Variants in KDM3A observed in about 807,000 individuals in gnomAD.
KDM3A encodes the protein lysine-specific demethylase 3A.
Under a neutral mutation model 158.0 loss-of-function variants are expected in KDM3A, and 60 were observed. The observed-to-expected ratio is 0.38, with a 90% CI of 0.31 to 0.47. The LOEUF (loss-of-function observed/expected upper bound fraction) is 0.47, where lower values mean the gene tolerates loss of function less well. Among genes scored for constraint, KDM3A ranks in the 20% least tolerant of loss-of-function variants. The probability of loss-of-function intolerance (pLI) is 0.99; values close to 1 mark genes in which losing one functional copy is unlikely to be tolerated. For synonymous variants in KDM3A, 608 were observed against 549.3 expected (o/e 1.11, Z -1.49); for missense variants, 1,319 against 1,574.3 (o/e 0.84, Z 2.74).
chr2:86,437,487 T>C (rs1262669046), upstream of KDM3A, among the ~76,000 whole-genome samples: 1 of 152,194 alleles, frequency 6.6e-6, no homozygotes, highest in Non-Finnish European at 1.5e-5. Flanking sequence ...AAAGCATGTA[T>C]TGCATAGTTT....
At chr2:86,452,696 T>C (rs530186005) in intron 4 of KDM3A, among the ~76,000 whole-genome samples, 39 of 152,328 alleles carry the variant, frequency 2.6e-4, no homozygotes, top group Non-Finnish European at 4.7e-4. Flanking sequence ...CTATGAAACC[T>C]ATTTGCTAAA....
chr2:86,482,705 C>T lies in KDM3A; in HGVS notation c.2922+11C>T. 3 of 1,612,258 alleles carry T rather than the reference C, an allele frequency of 1.9e-6. No individual in the cohort carries two copies. The highest frequency in any genetic ancestry group is 2.5e-6 in the Non-Finnish European group (3 of 1,179,522). ...TGGAAACAAGGGCAGGTAATGTAGG[C>T]CTCCCATCCTCCTGCCCTATTCAGA... On this transcript the variant is annotated intron_variant, in intron 18 of 25. Coordinates refer to ENST00000312912, the MANE Select transcript of KDM3A (RefSeq NM_018433.6).
chr2:86,442,976 C>T (rs1383503284), intron 2 of KDM3A, among the ~76,000 whole-genome samples: 1 of 151,990 alleles, frequency 6.6e-6, no homozygotes, highest in East Asian at 1.9e-4. Flanking sequence ...ACACTCAGAA[C>T]CTTTTTCTGT....
intron 9 of KDM3A, among the ~76,000 whole-genome samples, chr2:86,466,145 A>G (rs1400960249): frequency 2.0e-5 from 3 of 151,660 alleles, no homozygotes; most frequent in Non-Finnish European, 4.4e-5. Flanking sequence ...ACGTGCAGAC[A>G]TAATTTAGGG....
At chr2:86,471,665 A>G (rs1673417074) in intron 11 of KDM3A, among the ~76,000 whole-genome samples, 1 of 152,226 alleles carries the variant, frequency 6.6e-6, no homozygotes, top group Non-Finnish European at 1.5e-5. Context: ...CAGGGAATTT[A>G]GATCATTATA....
At chr2:86,482,205 A>T (rs1308872172) in intron 17 of KDM3A, 103 bp downstream of exon 17, 1 of 1,339,866 alleles carries the variant, frequency 7.5e-7, no homozygotes, top group Non-Finnish European at 1.1e-6. Context: ...TGAATCACAT[A>T]CTTACCTTTG....
upstream of KDM3A, among the ~76,000 whole-genome samples, chr2:86,439,609 A>G (rs1682574622): frequency 6.6e-6 from 1 of 152,078 alleles, no homozygotes. Context: ...TACATAATCT[A>G]AGTTCTCCAT....
rs758838383 is a variant in KDM3A at position 86,482,649 on chromosome 2, T to A, written c.2877T>A (p.Asn959Lys). 70 of 1,613,964 alleles carry A rather than the reference T, an allele frequency of 4.3e-5. No individual in the cohort carries two copies. The highest frequency in any genetic ancestry group is 4.5e-5 in the Non-Finnish European group (53 of 1,180,004). The part of the protein sequence containing the change: ...NRLLCLQDPN[N>K]KSNWNVFREC... The stretch of plus-strand genomic sequence containing the variant: ...TGCTGTGCTTGCAAGACCCCAACAA[T>A]AAGAGCAACTGGAATGTGTTTAGGG... Residue 959 changes from asparagine (N) to lysine (K), a missense_variant, in exon 18 of 26, where the codon AAT becomes AAA. Physicochemically the swap from Asn to Lys is moderately conservative, Grantham distance 94 (BLOSUM62 0). Transcript: ENST00000312912.
Position 86,470,400 on chromosome 2 carries a change from C to T in KDM3A, c.1716C>T (p.His572=), listed in dbSNP as rs763793891. Reference sequence around the variant, plus strand: ...CACCTGTGTTTTGCCGCTTCTTTCACTTCAGGAGGTGAGGCATTTTGGGAA... The same window carrying T: ...CACCTGTGTTTTGCCGCTTCTTTCATTTCAGGAGGTGAGGCATTTTGGGAA... The part of the protein sequence containing the change: ...KDSPVFCRFF[H]FRRLQFNKHG... The change falls in exon 11 of 26, where the codon CAC becomes CAT. Residue 572 remains histidine (H), a synonymous_variant. Transcript: ENST00000312912. The T allele has an allele frequency of 3.1e-6, 5 of 1,613,736 alleles. No homozygotes were observed. The Admixed American group carries it at 5.0e-5, about 16-fold the overall frequency.
intron 2 of KDM3A, 118 bp from the exon 3 acceptor site, chr2:86,449,689 C>T (rs998586196): frequency 1.3e-5 from 15 of 1,113,872 alleles, no homozygotes; most frequent in Non-Finnish European, 1.6e-5. Context: ...AGGGGGAAAG[C>T]ACATCCAGAT....
At chr2:86,475,834 T>C (rs1217187601) in intron 12 of KDM3A, among the ~76,000 whole-genome samples, 1 of 152,230 alleles carries the variant, frequency 6.6e-6, no homozygotes, top group Non-Finnish European at 1.5e-5. Flanking sequence ...CAAGCATCCA[T>C]GCCAGTCTTA....
intron 16 of KDM3A, 119 bp downstream of exon 16, chr2:86,480,481 G>T: frequency 1.3e-6 from 1 of 795,788 alleles, no homozygotes; most frequent in Non-Finnish European, 1.9e-6. Context: ...GAGTCATCCT[G>T]GAACCTGCCA....
intron 11 of KDM3A, among the ~76,000 whole-genome samples, chr2:86,470,641 A>G (rs1049047747): frequency 2.6e-5 from 4 of 152,188 alleles, no homozygotes; most frequent in African/African-American, 9.7e-5. Context: ...TTCTATTTCA[A>G]AAAGTAACAG....
intron 11 of KDM3A, among the ~76,000 whole-genome samples, chr2:86,473,058 C>T (rs1176667588): frequency 6.6e-6 from 1 of 152,186 alleles, no homozygotes; most frequent in African/African-American, 2.4e-5. Flanking sequence ...GAATTAATGA[C>T]TGTTAGGATA....
chr2:86,470,260 AG>A lies in KDM3A; in HGVS notation c.1577del (p.Ser526MetfsTer12), dbSNP rs1235594697. 6.2e-7 allele frequency: 1 copy of A among 1,614,154 alleles called. No individual in the cohort carries two copies. Among genetic ancestry groups the A allele is most frequent in the South Asian group, 1.1e-5 (1 of 91,090 alleles). On this transcript the variant is annotated frameshift_variant, in exon 11 of 26. Coordinates refer to ENST00000312912, the MANE Select transcript of KDM3A (RefSeq NM_018433.6). LOFTEE classifies it high-confidence loss of function. Reference sequence around the variant, plus strand: ...AGCTAAACTCAAAAAGCTGCAACAGAGTGGCGAGGCCTTCGTACAGGATGAT... The same window carrying A: ...AGCTAAACTCAAAAAGCTGCAACAGATGGCGAGGCCTTCGTACAGGATGAT... ...DPAKLKKLQQSGEAFVQDDSC... is the reference protein window; with the variant it reads ...DPAKLKKLQQXGEAFVQDDSC...
chr2:86,448,603 AG>A (rs1221182873), intron 2 of KDM3A, among the ~76,000 whole-genome samples: 1 of 152,162 alleles, frequency 6.6e-6, no homozygotes, highest in Non-Finnish European at 1.5e-5. Flanking sequence ...CACTTTGGTA[AG>A]GGAAGGTTTG....
chr2:86,456,932 C>G, intron 7 of KDM3A, 51 bp from the exon 8 acceptor site: 4 of 1,568,046 alleles, frequency 2.6e-6, no homozygotes, highest in Non-Finnish European at 3.5e-6. Flanking sequence ...CCGTTCTTCT[C>G]ACATTAAGAG....
At chr2:86,450,953 CT>C in intron 3 of KDM3A, 149 bp from the exon 4 acceptor site, 1 of 558,128 alleles carries the variant, frequency 1.8e-6, no homozygotes, top group East Asian at 2.9e-5. Context: ...TTATCTATGG[CT>C]GCATAAATAG....
In KDM3A at chr2:86,470,172, G is replaced by A. The variant is rs567992723; in HGVS notation, c.1520-32G>A. On this transcript the variant is annotated intron_variant, in intron 10 of 25. Transcript: ENST00000312912. ...ATGAATGTGATTTTTAAAAATTTGA[G>A]GTCCTGTCTCCTTAATCTTTTGTTT... The A allele has an allele frequency of 5.7e-6, 9 of 1,585,648 alleles. No individual in the cohort carries two copies. In the South Asian group the frequency reaches 8.9e-5, roughly 16 times the overall value.
Sources: allele counts gnomAD v4.1 joint callset (sites outside exome capture counted in the v4.1 genomes callset), GRCh38; gene constraint gnomAD v4.1.1; transcripts MANE v1.5; gene names NCBI Gene and HGNC (gene_info 2026-07-23, HGNC 2026-07-21).